Variants in DENND4C observed in about 807,000 individuals in gnomAD.
DENND4C encodes the protein DENN domain containing 4C.
Under a neutral mutation model 203.0 loss-of-function variants are expected in DENND4C, and 108 were observed. The observed-to-expected ratio is 0.53, with a 90% CI of 0.46 to 0.62. The LOEUF (loss-of-function observed/expected upper bound fraction) is 0.62, where lower values mean the gene tolerates loss of function less well. Among genes scored for constraint, DENND4C ranks in the 20% least tolerant of loss-of-function variants. DENND4C has a pLI of 0.00. For missense variants in DENND4C, 2,481 were observed against 2,301.2 expected (o/e 1.08, Z -1.60); for synonymous variants, 871 against 792.4 (o/e 1.10, Z -1.67).
intron 1 of DENND4C, among the ~76,000 whole-genome samples, chr9:19,232,146 T>C (rs1820735914): frequency 6.6e-6 from 1 of 152,218 alleles, no homozygotes; most frequent in South Asian, 2.1e-4. Context: ...CTGTTCTTTG[T>C]ATTACTGTTA....
chr9:19,328,691 CT>C (rs1415426325), intron 16 of DENND4C, among the ~76,000 whole-genome samples: 7 of 151,798 alleles, frequency 4.6e-5, no homozygotes, highest in African/African-American at 1.7e-4. Flanking sequence ...ATCTATCTAT[CT>C]ATCTGTCTAT....
At chr9:19,319,500 A>T (rs1001520460) in intron 12 of DENND4C, among the ~76,000 whole-genome samples, 1 of 148,592 alleles carries the variant, frequency 6.7e-6, no homozygotes, top group East Asian at 1.9e-4. Flanking sequence ...ATGACAGCAC[A>T]TTTGGGAAAA....
intron 12 of DENND4C, among the ~76,000 whole-genome samples, chr9:19,321,464 C>T (rs796319679): frequency 1.3e-5 from 2 of 151,222 alleles, no homozygotes; most frequent in African/African-American, 2.4e-5. Flanking sequence ...AGGAGCAGAT[C>T]GAAGGTTTTT....
chr9:19,368,402 T>TA (rs1425767852), intron 30 of DENND4C, among the ~76,000 whole-genome samples: 1 of 152,132 alleles, frequency 6.6e-6, no homozygotes, highest in African/African-American at 2.4e-5. Context: ...GTGCTGGGAT[T>TA]ACAGCCATGA....
intron 22 of DENND4C, among the ~76,000 whole-genome samples, chr9:19,344,353 C>T (rs998024126): frequency 3.3e-5 from 5 of 152,294 alleles, no homozygotes; most frequent in African/African-American, 7.2e-5. Context: ...TTATTTCTGC[C>T]GGGCTCAGTG....
rs1829142801 is a variant in DENND4C at position 19,373,268 on chromosome 9, T to C, written c.*1095T>C. 1 of 152,314 alleles carries C rather than the reference T, an allele frequency of 6.6e-6. No individual in the cohort carries two copies. The highest frequency in any genetic ancestry group is 2.4e-5 in the African/African-American group (1 of 41,472). The allele number at this position is 152,314 out of a possible 1,614,324, so 9.4% of individuals were successfully genotyped here. ...CCAGTTACTTCCATCCTCTTCCCAATGTTAATTTGCAATAGTTTTAAAATG... is the reference window on the plus strand; with the variant it reads ...CCAGTTACTTCCATCCTCTTCCCAACGTTAATTTGCAATAGTTTTAAAATG... On this transcript the variant is annotated 3_prime_UTR_variant, in exon 33 of 33. Coordinates refer to ENST00000434457, the MANE Select transcript of DENND4C (RefSeq NM_001330640.2).
chr9:19,274,006 A>T (rs187202357), intron 1 of DENND4C, among the ~76,000 whole-genome samples: 1 of 152,068 alleles, frequency 6.6e-6, no homozygotes, highest in Non-Finnish European at 1.5e-5. Context: ...AATAACCTAA[A>T]TGTCCATTAA....
intron 31 of DENND4C, among the ~76,000 whole-genome samples, chr9:19,370,734 CTAT>C (rs754489492): frequency 2.0e-5 from 3 of 152,192 alleles, no homozygotes; most frequent in African/African-American, 7.2e-5. Context: ...GCTCCTGTCA[CTAT>C]TGTCTGCTAA....
In DENND4C at chr9:19,346,788, C is replaced by T. The variant is rs1822997697; in HGVS notation, c.4019C>T (p.Pro1340Leu). ...CATGGTTCACCAGCACAGGAAAATC[C>T]TGAAAGTGAAAAGAGCTCACCTGCA... ...LDHGSPAQEN[P>L]ESEKSSPAVS... Residue 1340 changes from proline to leucine, a missense_variant, in exon 23 of 33, where the codon CCT becomes CTT. Pro to Leu is a moderately conservative substitution (Grantham distance 98). Transcript: ENST00000434457. 2 of 1,614,166 alleles carry T rather than the reference C, an allele frequency of 1.2e-6. No homozygotes were observed. The highest frequency in any genetic ancestry group is 1.3e-5 in the African/African-American group (1 of 75,030).
At chr9:19,327,389 A>G (rs908191957) in intron 15 of DENND4C, among the ~76,000 whole-genome samples, 1 of 152,064 alleles carries the variant, frequency 6.6e-6, no homozygotes, top group Non-Finnish European at 1.5e-5. Flanking sequence ...GTTAGAATGT[A>G]TGTTTAAGTA....
intron 9 of DENND4C, among the ~76,000 whole-genome samples, chr9:19,301,378 C>T (rs1232822096): frequency 6.6e-6 from 1 of 152,138 alleles, no homozygotes; most frequent in African/African-American, 2.4e-5. Context: ...CTTGTTTACT[C>T]CTGTATTTTC....
intron 9 of DENND4C, among the ~76,000 whole-genome samples, chr9:19,300,607 A>G (rs1588874709): frequency 6.6e-6 from 1 of 152,224 alleles, no homozygotes; most frequent in African/African-American, 2.4e-5. Context: ...ATATGATTAT[A>G]TAATAAAACC....
chr9:19,244,086 A>G (rs935623271), intron 1 of DENND4C, among the ~76,000 whole-genome samples: 6 of 152,016 alleles, frequency 3.9e-5, no homozygotes, highest in Non-Finnish European at 8.8e-5. Flanking sequence ...GCTGAAGTGC[A>G]GTGGCGCAAT....
chr9:19,331,831 A>G (rs1819282576), intron 16 of DENND4C, 147 bp from the exon 17 acceptor site: 1 of 645,564 alleles, frequency 1.5e-6, no homozygotes, highest in Non-Finnish European at 2.7e-6. Context: ...ACTGATAAGC[A>G]GGAAGCCACT....
At chr9:19,349,292 C>T (rs895421481) in intron 23 of DENND4C, among the ~76,000 whole-genome samples, 2 of 152,102 alleles carry the variant, frequency 1.3e-5, no homozygotes, top group African/African-American at 4.8e-5. Flanking sequence ...CCTGTAGTCT[C>T]AGCTACTCCA....
chr9:19,244,611 G>A (rs58340034), intron 1 of DENND4C, among the ~76,000 whole-genome samples: 2 of 151,702 alleles, frequency 1.3e-5, no homozygotes, highest in Admixed American at 6.6e-5. Flanking sequence ...GTGGTTGCAC[G>A]TGACTGTAGT....
chr9:19,311,458 T>C (rs1281458169), intron 10 of DENND4C, among the ~76,000 whole-genome samples: 1 of 152,152 alleles, frequency 6.6e-6, no homozygotes, highest in Non-Finnish European at 1.5e-5. Flanking sequence ...AAATGCTAAC[T>C]CCGTTGAATT....
rs181447076 is a variant in DENND4C, at chr9:19,240,984, C to T, written c.-18+10151C>T. ...CAACAGAACACAGAACAGAATGGAA[C>T]GCAGAACAGAACGGAACACAGAACA... On this transcript the variant is annotated intron_variant, in intron 1 of 32. Coordinates refer to ENST00000434457, the MANE Select transcript of DENND4C (RefSeq NM_001330640.2). Among the ~76,000 whole-genome samples, 242 of 152,126 alleles carry T rather than the reference C, an allele frequency of 1.6e-3. 1 individual carries two copies. Among genetic ancestry groups the T allele is most frequent in the African/African-American group, 5.5e-3 (229 of 41,498 alleles).
chr9:19,348,897 C>A (rs972782028), intron 23 of DENND4C, among the ~76,000 whole-genome samples: 1 of 152,126 alleles, frequency 6.6e-6, no homozygotes. Flanking sequence ...TAGCCTTGAC[C>A]CCCTGGGCTC....
Sources: gnomAD v4.1 joint callset for allele counts (sites outside exome capture counted in the v4.1 genomes callset) on GRCh38, gnomAD v4.1.1 for gene constraint, MANE v1.5 for transcripts, NCBI Gene and HGNC (gene_info 2026-07-23, HGNC 2026-07-21) for gene names.